Variants in LAMC3 observed in about 807,000 individuals in gnomAD.
The protein encoded by LAMC3 is laminin subunit gamma 3.
A neutral mutation model predicts 173.8 loss-of-function variants in LAMC3; 128 were observed. The observed-to-expected ratio is 0.74, with a 90% CI of 0.64 to 0.85. The LOEUF (loss-of-function observed/expected upper bound fraction) is 0.85, where lower values mean the gene tolerates loss of function less well. Among genes scored for constraint, LAMC3 ranks in the 40% least tolerant of loss-of-function variants. The probability of loss-of-function intolerance (pLI) is 0.00; values close to 1 mark genes in which losing one functional copy is unlikely to be tolerated. For missense variants in LAMC3, 2,022 were observed against 2,156.0 expected, an observed-to-expected ratio of 0.94 and a Z score of 1.23; for synonymous variants, 897 against 909.1, an observed-to-expected ratio of 0.99 and a Z score of 0.24.
chr9:131,032,909 C>CT (rs1833870201), intron 3 of LAMC3, among the ~76,000 whole-genome samples: 1 of 152,218 alleles, frequency 6.6e-6, no homozygotes, highest in African/African-American at 2.4e-5. Context: ...CTCAGGTGAT[C>CT]TGCCCGCCTT....
chr9:131,032,336 C>T (rs959938006), intron 3 of LAMC3, among the ~76,000 whole-genome samples, 161 bp downstream of exon 3: 2 of 151,986 alleles, frequency 1.3e-5, no homozygotes, highest in East Asian at 1.9e-4. Context: ...GGGTCCACAC[C>T]CAGCCCACCT....
chr9:131,084,306 C>A (rs1030449461), intron 24 of LAMC3, among the ~76,000 whole-genome samples: 6 of 152,008 alleles, frequency 3.9e-5, no homozygotes, highest in African/African-American at 1.2e-4. Flanking sequence ...CAACTCCTGG[C>A]CTCAAGTGAT....
At position 131,026,631 on chromosome 9, in the gene LAMC3, G is replaced by A. The variant is rs1463743625; in HGVS notation, c.678+42G>A. 18 of 1,520,516 alleles carry A rather than the reference G, an allele frequency of 1.2e-5. No homozygotes were observed. Among genetic ancestry groups the A allele is most frequent in the Middle Eastern group, 2.3e-4 (1 of 4,434 alleles). The allele number at this position is 1,520,516 out of a possible 1,614,324, so 94.2% of individuals were successfully genotyped here. A position where few individuals can be genotyped will look rare whatever the true frequency, so the allele number is the denominator to read the frequency against. On this transcript the variant is annotated intron_variant, in intron 2 of 27. Coordinates refer to ENST00000361069, the MANE Select transcript of LAMC3 (RefSeq NM_006059.4). The surrounding 1 kb of genome is among the most constrained non-coding windows in gnomAD (Gnocchi z 4.8). ...GCTTCGGAGGTTGGGACGGGGTTGG[G>A]ACTGGGTCACGGCAGTAGGAGGGTC...
intron 11 of LAMC3, among the ~76,000 whole-genome samples, chr9:131,053,353 C>A (rs1834336866): frequency 1.3e-5 from 2 of 152,154 alleles, no homozygotes; most frequent in South Asian, 4.1e-4. Flanking sequence ...CAGAGTGACT[C>A]CCCTGCTGGT....
rs1564391919 is a variant in LAMC3, at chr9:131,085,577, G to T, written c.4084G>T (p.Ala1362Ser). 1 of 1,614,128 alleles carries T rather than the reference G, an allele frequency of 6.2e-7. No homozygotes were observed. Among genetic ancestry groups the T allele is most frequent in the East Asian group, 2.2e-5 (1 of 44,882 alleles). ...GGACCAGGCGGCATTGCAGAGGAAG[G>T]CAGACTCCGTCAGTGACAGACTCCT... ...PKDQAALQRK[A>S]DSVSDRLLAD... The change falls in exon 25 of 28, where the codon GCA (alanine) becomes TCA (serine). Residue 1362 changes from alanine (A) to serine (S), a missense_variant. Coordinates refer to ENST00000361069, the MANE Select transcript of LAMC3 (RefSeq NM_006059.4).
chr9:131,073,944 CTTTTTTTTTTT>C (rs57877574), intron 20 of LAMC3, among the ~76,000 whole-genome samples: 18 of 90,828 alleles, frequency 2.0e-4, no homozygotes, highest in Non-Finnish European at 3.2e-4. Context: ...CTTTTCTTTT[CTTTTTTTTTTT>C]TTTTTTTTTG....
rs572056573 is a variant in LAMC3, at chr9:131,053,402, T to C, written c.1939+437T>C. ...GTACCTAAGCCACCCTAGGAGGGTC[T>C]GGTCTTCCCAAAGAGGGGGCCAAGC... On this transcript the variant is annotated intron_variant, in intron 11 of 27. Transcript: ENST00000361069. Among the ~76,000 whole-genome samples, 9 of 152,306 alleles carry C rather than the reference T, an allele frequency of 5.9e-5. No individual in the cohort carries two copies. The East Asian group carries it at 1.3e-3, about 23-fold the overall frequency.
chr9:131,072,975 C>G, intron 19 of LAMC3, 140 bp downstream of exon 19: 1 of 830,312 alleles, frequency 1.2e-6, no homozygotes, highest in South Asian at 1.5e-5. Flanking sequence ...GGGGATCACA[C>G]AGTGCCTCCT....
Position 131,091,523 on chromosome 9 carries a change from G to T in LAMC3, c.4478-14G>T, listed in dbSNP as rs1190239456. 6 of 1,570,696 alleles carry T rather than the reference G, an allele frequency of 3.8e-6. No homozygotes were observed. In the East Asian group the frequency reaches 1.4e-4, roughly 37 times the overall value. On this transcript the variant is annotated splice_polypyrimidine_tract_variant and intron_variant, in intron 27 of 27. Transcript: ENST00000361069. Reference sequence around the variant, plus strand: ...CTGCTGGCTCACAGTGAGGCTGTTTGTGCCCCACCACAGGGTCGCTGGACA... The same window carrying T: ...CTGCTGGCTCACAGTGAGGCTGTTTTTGCCCCACCACAGGGTCGCTGGACA...
At position 131,068,240 on chromosome 9, in the gene LAMC3, G is replaced by A. The variant is rs1223876268; in HGVS notation, c.2747+9G>A. On this transcript the variant is annotated intron_variant, in intron 15 of 27. Transcript: ENST00000361069. ...GGGAGGGGCTGCCGGAGGTAGGTAG[G>A]GTGAGACTGCCGGTGCCCTGGGGAC... The A allele has an allele frequency of 6.8e-6, 11 of 1,606,424 alleles. No homozygotes were observed. Among genetic ancestry groups the A allele is most frequent in the Admixed American group, 3.3e-5 (2 of 59,922 alleles).
chr9:131,017,180 C>T (rs1833536535), intron 1 of LAMC3, among the ~76,000 whole-genome samples: 1 of 152,256 alleles, frequency 6.6e-6, no homozygotes. Flanking sequence ...GCGCGGGCTG[C>T]TGCGGGTCAC....
At chr9:131,055,128 A>C (rs1347192552) in intron 11 of LAMC3, among the ~76,000 whole-genome samples, 1 of 152,122 alleles carries the variant, frequency 6.6e-6, no homozygotes, top group Non-Finnish European at 1.5e-5. Flanking sequence ...TTCCAGTATA[A>C]GTGTCGCTTT....
rs143601726 is a variant in LAMC3, at chr9:131,032,818, G to A, written c.809+643G>A. 4.6e-3 allele frequency among the ~76,000 whole-genome samples: 707 copies of A among 152,246 alleles called. 6 individuals carry two copies. Among genetic ancestry groups the A allele is most frequent in the South Asian group, 0.015 (70 of 4,814 alleles). ...CAAGTAGCTGGGATTACAGGCATGC[G>A]CCACCACGCCCGGCTAATTTTGTAT... is the stretch of plus-strand genomic sequence containing the variant. On this transcript the variant is annotated intron_variant, in intron 3 of 27. Transcript: ENST00000361069.
chr9:131,077,702 A>C (rs927864369), intron 22 of LAMC3, among the ~76,000 whole-genome samples: 19 of 149,888 alleles, frequency 1.3e-4, no homozygotes, highest in African/African-American at 4.4e-4. Flanking sequence ...AAAAAAAAAA[A>C]AAAAAAAAAA....
Position 131,059,446 on chromosome 9 carries a change from C to T in LAMC3, c.2159-1589C>T, listed in dbSNP as rs189698473. Among the ~76,000 whole-genome samples, 869 of 136,946 alleles carry T rather than the reference C, an allele frequency of 6.3e-3. 5 individuals are homozygous for T. The highest frequency in any genetic ancestry group is 8.2e-3 in the Non-Finnish European group (541 of 65,936). 89.8% of individuals were successfully genotyped at this position (136,946 alleles called of 152,430 possible). On this transcript the variant is annotated intron_variant, in intron 12 of 27. Coordinates refer to ENST00000361069, the MANE Select transcript of LAMC3 (RefSeq NM_006059.4). ...GGCGGAGGTTGCAGTGAGCCGAGATCGCGCCACTGCACTCCAGCCTGGGCG... is the reference window on the plus strand; with the variant it reads ...GGCGGAGGTTGCAGTGAGCCGAGATTGCGCCACTGCACTCCAGCCTGGGCG...
At chr9:131,054,609 C>G (rs10793987) in intron 11 of LAMC3, among the ~76,000 whole-genome samples, 81,245 of 151,810 alleles carry the variant, frequency 0.54, 23,067 homozygotes, top group African/African-American at 0.74. Flanking sequence ...CAAAAATTAG[C>G]CGGGTATGGT....
chr9:131,010,998 T>C (rs577775465), intron 1 of LAMC3, among the ~76,000 whole-genome samples: 4 of 152,354 alleles, frequency 2.6e-5, no homozygotes, highest in Admixed American at 2.6e-4. Context: ...CTCCCTTATC[T>C]TCGAGGTCAG....
Position 131,077,339 on chromosome 9 carries a change from G to A in LAMC3, c.3777+5G>A, listed in dbSNP as rs772367233. The A allele has an allele frequency of 1.2e-6, 2 of 1,613,552 alleles. No homozygotes were observed. The highest frequency in any genetic ancestry group is 2.2e-5 in the South Asian group (2 of 91,082). On this transcript the variant is annotated splice_donor_5th_base_variant and intron_variant, in intron 22 of 27. Coordinates refer to ENST00000361069, the MANE Select transcript of LAMC3 (RefSeq NM_006059.4). ...CTGGCTTCCCCGGGAGCTCTGGTCA[G>A]CTCAGTTGTCTCAGAGCTCCGTGTG...
At chr9:131,091,332 G>T (rs1674546113) in intron 27 of LAMC3, among the ~76,000 whole-genome samples, 1 of 152,250 alleles carries the variant, frequency 6.6e-6, no homozygotes, top group South Asian at 2.1e-4. Context: ...CCAGGAGGAT[G>T]TTCTAGAGTC....
Sources: gnomAD v4.1 joint callset for allele counts (sites outside exome capture counted in the v4.1 genomes callset) on GRCh38, gnomAD v4.1.1 for gene constraint, Gnocchi (gnomAD v3.1) non-coding constraint, MANE v1.5 for transcripts, NCBI Gene and HGNC (gene_info 2026-07-23, HGNC 2026-07-21) for gene names.